QKI: variants seen among roughly 807,000 people sequenced by gnomAD.
QKI encodes QKI, KH domain containing RNA binding, also known as KH domain-containing RNA-binding protein QKI.
Under a neutral mutation model 39.0 loss-of-function variants are expected in QKI, and 10 were observed. The ratio of observed to expected loss-of-function variants is 0.26; its 90% CI spans 0.16 to 0.43. QKI has a LOEUF of 0.43. Ranked by LOEUF, QKI falls within the 20% of genes least tolerant of loss-of-function variation. QKI has a pLI of 1.00. For synonymous variants in QKI, 204 were observed against 155.4 expected, an observed-to-expected ratio of 1.31 and a Z score of -2.33; for missense variants, 218 against 428.0, an observed-to-expected ratio of 0.51 and a Z score of 4.33.
intron 1 of QKI, among the ~76,000 whole-genome samples, chr6:163,444,792 AT>A (rs776406662): frequency 9.9e-5 from 15 of 152,156 alleles, no homozygotes; most frequent in Non-Finnish European, 2.9e-5. Flanking sequence ...ATTTTGAGTG[AT>A]TTTTTTCCCT....
intron 3 of QKI, among the ~76,000 whole-genome samples, chr6:163,508,935 T>A (rs113100822): frequency 0.027 from 3,858 of 140,736 alleles, 73 homozygotes; most frequent in Middle Eastern, 0.087. Flanking sequence ...GGTCAGGAGT[T>A]CGAGACCAGC....
intron 3 of QKI, among the ~76,000 whole-genome samples, chr6:163,480,257 CTT>C (rs1792971944): frequency 6.6e-6 from 1 of 151,218 alleles, no homozygotes; most frequent in African/African-American, 2.5e-5. Context: ...CTGTCTGTCT[CTT>C]TCTCTCTCTC....
chr6:163,464,997 G>A (rs1791625623), intron 2 of QKI, among the ~76,000 whole-genome samples: 1 of 152,160 alleles, frequency 6.6e-6, no homozygotes, highest in Non-Finnish European at 1.5e-5. Context: ...GATCAAGTGA[G>A]ATTTTTCCTC....
intron 2 of QKI, among the ~76,000 whole-genome samples, chr6:163,463,845 C>A (rs1205909055): frequency 6.6e-6 from 1 of 152,148 alleles, no homozygotes; most frequent in African/African-American, 2.4e-5. Context: ...ACTTTCCAAG[C>A]CTTTATTTTG....
chr6:163,511,244 GGAAATT>G (rs1779454045), intron 3 of QKI, among the ~76,000 whole-genome samples: 1 of 151,818 alleles, frequency 6.6e-6, no homozygotes, highest in African/African-American at 2.4e-5. Context: ...AGTGTTTGGA[GGAAATT>G]TATATATTTA....
chr6:163,445,715 T>C (rs997577410), intron 1 of QKI, among the ~76,000 whole-genome samples: 2 of 151,490 alleles, frequency 1.3e-5, no homozygotes, highest in African/African-American at 2.4e-5. Context: ...CCCGGGTTCA[T>C]GCCATTCTCC....
intron 7 of QKI, chr6:163,570,319 T>G (rs1783625800): frequency 3.1e-6 from 3 of 982,384 alleles, no homozygotes; most frequent in South Asian, 9.4e-5. Context: ...TACTGATAAC[T>G]GCACTGACTG....
intron 1 of QKI, among the ~76,000 whole-genome samples, chr6:163,418,870 T>A (rs1787763593): frequency 6.6e-6 from 1 of 152,162 alleles, no homozygotes; most frequent in Non-Finnish European, 1.5e-5. Flanking sequence ...GACTTAACAA[T>A]CCTGTATTAG....
At chr6:163,513,554 C>T (rs1206309708) in intron 3 of QKI, among the ~76,000 whole-genome samples, 1 of 152,042 alleles carries the variant, frequency 6.6e-6, no homozygotes, top group Non-Finnish European at 1.5e-5. Flanking sequence ...TAGTGAATGC[C>T]TAAGACTTTT....
chr6:163,526,953 A>G (rs1206552734), intron 3 of QKI, among the ~76,000 whole-genome samples: 1 of 152,222 alleles, frequency 6.6e-6, no homozygotes, highest in Admixed American at 6.5e-5. Flanking sequence ...CTGTGTCTGT[A>G]GGAGATAGAT....
intron 3 of QKI, among the ~76,000 whole-genome samples, chr6:163,497,852 A>T (rs543138604): frequency 1.3e-4 from 20 of 152,206 alleles, no homozygotes; most frequent in Non-Finnish European, 4.4e-5. Flanking sequence ...AAACTTACAT[A>T]GTCACCTTCA....
chr6:163,547,053 A>G (rs1172403776), intron 4 of QKI, among the ~76,000 whole-genome samples: 1 of 152,178 alleles, frequency 6.6e-6, no homozygotes, highest in Admixed American at 6.5e-5. Flanking sequence ...CCTTCTTTGT[A>G]GAATATAATA....
At chr6:163,505,063 GC>G (rs1779010842) in intron 3 of QKI, among the ~76,000 whole-genome samples, 1 of 152,184 alleles carries the variant, frequency 6.6e-6, no homozygotes, top group South Asian at 2.1e-4. Context: ...TACAGCTTGG[GC>G]TGTTACTTCA....
chr6:163,524,166 C>T (rs1478657875), intron 3 of QKI, among the ~76,000 whole-genome samples: 2 of 152,130 alleles, frequency 1.3e-5, no homozygotes, highest in African/African-American at 2.4e-5. Flanking sequence ...AATCCAAATG[C>T]TTCATGGAGG....
At chr6:163,480,066 C>T (rs959084891) in intron 3 of QKI, among the ~76,000 whole-genome samples, 1 of 152,066 alleles carries the variant, frequency 6.6e-6, no homozygotes, top group Non-Finnish European at 1.5e-5. Context: ...TTAGTAAAGA[C>T]CCAACTATCT....
chr6:163,507,195 C>G (rs1779153590), intron 3 of QKI, among the ~76,000 whole-genome samples: 1 of 152,140 alleles, frequency 6.6e-6, no homozygotes. Context: ...AATACTGTAA[C>G]TAGAACTAGG....
Position 163,562,048 on chromosome 6 carries a change from A to G in QKI, c.613A>G (p.Arg205Gly). The G allele has an allele frequency of 6.2e-7, 1 of 1,612,982 alleles. No individual in the cohort carries two copies. The highest frequency in any genetic ancestry group is 8.5e-7 in the Non-Finnish European group (1 of 1,179,462). The change falls in exon 5 of 8, where the codon AGA becomes GGA. Residue 205 changes from arginine (R) to glycine (G), a missense_variant. Around this residue, in one of 3 missense-constraint regions of QKI, gnomAD observed 117 missense variants for 186.0 expected, o/e 0.63. Coordinates refer to ENST00000361752, the MANE Select transcript of QKI (RefSeq NM_006775.3). ...MELAILNGTY[R>G]DANIKSPALA... Reference sequence around the variant, plus strand: ...GCTTGCGATTCTGAATGGCACCTACAGAGATGCCAACATTAAATCACGTAA... The same window carrying G: ...GCTTGCGATTCTGAATGGCACCTACGGAGATGCCAACATTAAATCACGTAA...
At chr6:163,420,318 ATTTGT>A (rs1377430325) in intron 1 of QKI, among the ~76,000 whole-genome samples, 1 of 151,636 alleles carries the variant, frequency 6.6e-6, no homozygotes, top group Non-Finnish European at 1.5e-5. Flanking sequence ...TAGCTAATAC[ATTTGT>A]TTGATTTATT....
At chr6:163,464,527 A>C (rs1015971110) in intron 2 of QKI, among the ~76,000 whole-genome samples, 1 of 152,186 alleles carries the variant, frequency 6.6e-6, no homozygotes, top group African/African-American at 2.4e-5. Context: ...ATACCATAGA[A>C]ATAATAAGAT....
Sources: gnomAD v4.1 joint callset for allele counts (sites outside exome capture counted in the v4.1 genomes callset) on GRCh38, gnomAD v4.1.1 for gene constraint, gnomAD v4.1.1 regional missense constraint, MANE v1.5 for transcripts, NCBI Gene and HGNC (gene_info 2026-07-23, HGNC 2026-07-21) for gene names.